Variants in ABCA4 observed in about 807,000 individuals in gnomAD.
ABCA4 encodes retinal-specific phospholipid-transporting ATPase ABCA4.
In ABCA4, 196 loss-of-function variants were observed where a neutral mutation model predicts 263.7. That is an observed-to-expected ratio of 0.74 (90% CI 0.66 to 0.84). ABCA4 has a LOEUF of 0.84. Among genes scored for constraint, ABCA4 ranks in the 40% least tolerant of loss-of-function variants. ABCA4 has a pLI of 0.00. For missense variants in ABCA4, 2,792 were observed against 2,855.1 expected (o/e 0.98, Z 0.50); for synonymous variants, 1,133 against 1,094.2 (o/e 1.04, Z -0.70).
intron 31 of ABCA4, 116 bp downstream of exon 31, chr1:94,024,831 TAAAAAAG>T: frequency 1.2e-6 from 1 of 850,290 alleles, no homozygotes. Flanking sequence ...TCAAATCAGA[TAAAAAAG>T]AAAAAAATCT....
At chr1:94,021,977 G>C (rs775433441) in intron 32 of ABCA4, 26 bp from the exon 33 acceptor site, 4 of 1,602,514 alleles carry the variant, frequency 2.5e-6, no homozygotes, top group Middle Eastern at 3.3e-4. Context: ...GAAATCCTCA[G>C]ACCAGGGCCA....
rs779445155 is a variant in ABCA4 at position 94,044,680 on chromosome 1, C to T, written c.2983G>A (p.Glu995Lys). 1.9e-6 allele frequency: 3 copies of T among 1,614,068 alleles called. No homozygotes were observed. Among genetic ancestry groups the T allele is most frequent in the Non-Finnish European group, 2.5e-6 (3 of 1,180,042 alleles). Residue 995 changes from glutamate (E) to lysine (K), a missense_variant, in exon 20 of 50, where the codon GAA (glutamate) becomes AAA (lysine). Glu to Lys is a moderately conservative substitution (Grantham distance 56). Coordinates refer to ENST00000370225, the MANE Select transcript of ABCA4 (RefSeq NM_000350.3). ...GTVLVGGRDIETSLDAVRQSL... is the reference protein window; with the variant it reads ...GTVLVGGRDIKTSLDAVRQSL... The stretch of plus-strand genomic sequence containing the variant: ...TGCCGGACTGCATCCAGGCTGGTTT[C>T]AATGTCCCTTCCCCCAACGAGCACA...
At chr1:94,085,241 G>GA (rs1661799783) in intron 6 of ABCA4, among the ~76,000 whole-genome samples, 1 of 151,918 alleles carries the variant, frequency 6.6e-6, no homozygotes, top group Non-Finnish European at 1.5e-5. Context: ...AAAACTTCAG[G>GA]AAAAAAAGGT....
chr1:94,115,257 G>C (rs549814069), intron 1 of ABCA4, among the ~76,000 whole-genome samples: 1 of 152,286 alleles, frequency 6.6e-6, no homozygotes, highest in South Asian at 2.1e-4. Flanking sequence ...CAACACATTT[G>C]ACTCCTTTAG....
chr1:94,025,979 A>G (rs1028869660), intron 30 of ABCA4, among the ~76,000 whole-genome samples: 1 of 152,232 alleles, frequency 6.6e-6, no homozygotes, highest in African/African-American at 2.4e-5. Context: ...AATCACTTTC[A>G]AAATACATCT....
At position 94,001,874 on chromosome 1, in the gene ABCA4, G is replaced by A; in HGVS notation, c.6266C>T (p.Pro2089Leu). The A allele has an allele frequency of 6.2e-7, 1 of 1,614,214 alleles. No homozygotes were observed. Among genetic ancestry groups the A allele is most frequent in the Admixed American group, 1.7e-5 (1 of 60,032 alleles). Residue 2089 changes from proline to leucine, a missense_variant, in exon 45 of 50, where the codon CCA becomes CTA. Physicochemically the swap from Pro to Leu is moderately conservative, Grantham distance 98. Coordinates refer to ENST00000370225, the MANE Select transcript of ABCA4 (RefSeq NM_000350.3). ...LSTAIALIGC[P>L]PLVLLDEPTT... ...CGCAGTTACCAGCAGCACCAGCGGT[G>A]GGCAGCCAATGAGTGCGATGGCTGT...
In ABCA4 at chr1:93,998,171, A is replaced by G. The variant is rs560801817; in HGVS notation, c.6480-61T>C. ...TAGTGGTTGGGCCTAAGGTAATCCCAAAATAAGGAGTAGACTCATCAGAAA... is the reference window on the plus strand; with the variant it reads ...TAGTGGTTGGGCCTAAGGTAATCCCGAAATAAGGAGTAGACTCATCAGAAA... On this transcript the variant is annotated intron_variant, in intron 47 of 49. Transcript: ENST00000370225. The G allele has an allele frequency of 5.4e-5, 87 of 1,611,874 alleles. 1 individual carries two copies. The South Asian group carries it at 8.4e-4, about 16-fold the overall frequency.
Position 94,007,944 on chromosome 1 carries a change from A to G in ABCA4, c.5899-204T>C, listed in dbSNP as rs531446153. Among the ~76,000 whole-genome samples the G allele has an allele frequency of 2.0e-5, 3 of 152,332 alleles. No homozygotes were observed. The South Asian group carries it at 6.2e-4, about 32-fold the overall frequency. On this transcript the variant is annotated intron_variant, in intron 42 of 49. Coordinates refer to ENST00000370225, the MANE Select transcript of ABCA4 (RefSeq NM_000350.3). ...GGGCCCTGAGTGTAAAGATTCAAAG[A>G]CTTAAAAACAACGAGAAATTGTCAA...
Position 94,108,648 on chromosome 1 carries a change from C to G in ABCA4, c.371G>C (p.Arg124Pro), listed in dbSNP as rs769541140. Reference sequence around the variant, plus strand: ...CAAGATGTGTAGCTCTGTCCAAATACGGCCAAGGTGCTGGCTCTCTGGTGC... The same window carrying G: ...CAAGATGTGTAGCTCTGTCCAAATAGGGCCAAGGTGCTGGCTCTCTGGTGC... ...MNAPESQHLG[R>P]IWTELHILSQ... The change falls in exon 4 of 50, where the codon CGT becomes CCT. Residue 124 changes from arginine to proline, a missense_variant. Transcript: ENST00000370225. 1.9e-6 allele frequency: 3 copies of G among 1,613,946 alleles called. No homozygotes were observed. Among genetic ancestry groups the G allele is most frequent in the Non-Finnish European group, 2.5e-6 (3 of 1,180,008 alleles).
At chr1:94,010,210 G>A (rs1434721900) in intron 40 of ABCA4, among the ~76,000 whole-genome samples, 1 of 152,220 alleles carries the variant, frequency 6.6e-6, no homozygotes, top group African/African-American at 2.4e-5. Flanking sequence ...GATTGCAGAG[G>A]GGAGTGAGGC....
chr1:94,103,582 T>G (rs889156892), intron 4 of ABCA4, among the ~76,000 whole-genome samples: 3 of 151,932 alleles, frequency 2.0e-5, no homozygotes, highest in Non-Finnish European at 4.4e-5. Flanking sequence ...CCCAAGACAC[T>G]CCTCCCTCCC....
intron 38 of ABCA4, 141 bp downstream of exon 38, chr1:94,014,402 G>T: frequency 1.1e-6 from 1 of 919,870 alleles, no homozygotes; most frequent in Non-Finnish European, 1.8e-6. Context: ...AAGGAGGCAG[G>T]GTCGGGGGTA....
intron 38 of ABCA4, among the ~76,000 whole-genome samples, chr1:94,014,323 CG>C (rs111535415): frequency 1.2e-4 from 14 of 117,028 alleles, no homozygotes; most frequent in South Asian, 5.7e-4. Context: ...GAAGGAGGGA[CG>C]GGGGAAGGAG....
intron 5 of ABCA4, among the ~76,000 whole-genome samples, chr1:94,099,977 C>T (rs2101137815): frequency 6.6e-6 from 1 of 152,276 alleles, no homozygotes; most frequent in East Asian, 1.9e-4. Flanking sequence ...TAACTGGCTC[C>T]TAGAGTCCTG....
chr1:94,036,700 A>G (rs766537468), intron 26 of ABCA4, 40 bp downstream of exon 26: 87 of 1,603,590 alleles, frequency 5.4e-5, no homozygotes, highest in Non-Finnish European at 7.3e-5. Context: ...CTTGGGAGGG[A>G]GGCAAGGAAG....
At chr1:94,055,016 G>C (rs1331040653) in intron 16 of ABCA4, 95 bp downstream of exon 16, 13 of 1,267,142 alleles carry the variant, frequency 1.0e-5, no homozygotes, top group Admixed American at 7.5e-5. Flanking sequence ...TTCTGACAAA[G>C]AGCTTGGAAG....
chr1:94,099,872 T>C (rs1662240721), intron 5 of ABCA4, among the ~76,000 whole-genome samples: 1 of 152,106 alleles, frequency 6.6e-6, no homozygotes, highest in Non-Finnish European at 1.5e-5. Context: ...AGGATAGTGG[T>C]TCTTGAAGTA....
chr1:94,060,643 G>A lies in ABCA4; in HGVS notation c.2054C>T (p.Thr685Ile), dbSNP rs1661097165. The A allele has an allele frequency of 6.2e-7, 1 of 1,614,092 alleles. No individual in the cohort carries two copies. Among genetic ancestry groups the A allele is most frequent in the Non-Finnish European group, 8.5e-7 (1 of 1,180,020 alleles). Residue 685 changes from threonine (T) to isoleucine (I), a missense_variant, in exon 14 of 50, where the codon ACC (threonine) becomes ATC (isoleucine). Thr to Ile is a moderately conservative substitution (Grantham distance 89). Coordinates refer to ENST00000370225, the MANE Select transcript of ABCA4 (RefSeq NM_000350.3). ...VLEKELRLKE[T>I]LKNQGVSNAV... is the part of the protein sequence containing the mutation. ...ATTGGAGACACCCTGATTTTTCAAG[G>A]TCTCCTTCAGTCGCAACTCCTTCTC...
chr1:94,069,579 G>A (rs561676856), intron 11 of ABCA4, among the ~76,000 whole-genome samples: 21 of 152,356 alleles, frequency 1.4e-4, no homozygotes, highest in Admixed American at 9.8e-4. Context: ...CCCTGCTGGT[G>A]TCAAGGTAGA....
Sources: allele counts gnomAD v4.1 joint callset (sites outside exome capture counted in the v4.1 genomes callset), GRCh38; gene constraint gnomAD v4.1.1; transcripts MANE v1.5; gene names NCBI Gene and HGNC (gene_info 2026-07-23, HGNC 2026-07-21).